FCHSD2: variants seen among roughly 807,000 people sequenced by gnomAD.
The protein encoded by FCHSD2 is F-BAR and double SH3 domains protein 2.
FCHSD2 carries 38 observed loss-of-function variants against 108.1 expected under a neutral mutation model. The ratio of observed to expected loss-of-function variants is 0.35; its 90% CI spans 0.27 to 0.46. The LOEUF is 0.46. Ranked by LOEUF, FCHSD2 falls within the 20% of genes least tolerant of loss-of-function variation. FCHSD2 has a pLI of 1.00. For synonymous variants in FCHSD2, 279 were observed against 314.7 expected (o/e 0.89, Z 1.20); for missense variants, 751 against 897.8 (o/e 0.84, Z 2.09).
chr11:72,913,332 A>T (rs1855802415), intron 9 of FCHSD2, among the ~76,000 whole-genome samples: 1 of 152,150 alleles, frequency 6.6e-6, no homozygotes, highest in South Asian at 2.1e-4. Context: ...GCAGCAGTGC[A>T]ATCCTGACTC....
chr11:73,123,482 C>T (rs963122659), intron 2 of FCHSD2, among the ~76,000 whole-genome samples: 13 of 152,150 alleles, frequency 8.5e-5, no homozygotes, highest in East Asian at 1.9e-4. Context: ...AATCTACCAA[C>T]GCAGAATCTT....
chr11:73,034,343 T>C (rs1279076780), intron 3 of FCHSD2, among the ~76,000 whole-genome samples: 1 of 152,224 alleles, frequency 6.6e-6, no homozygotes, highest in Non-Finnish European at 1.5e-5. Flanking sequence ...AACATGAAGC[T>C]AGAAATTCTC....
At chr11:72,981,825 T>G (rs758685432) in intron 8 of FCHSD2, among the ~76,000 whole-genome samples, 1 of 151,978 alleles carries the variant, frequency 6.6e-6, no homozygotes, top group Non-Finnish European at 1.5e-5. Context: ...AAATAAAAAT[T>G]AAGAAATTAG....
intron 3 of FCHSD2, among the ~76,000 whole-genome samples, chr11:73,019,191 C>A (rs1262284452): frequency 6.6e-6 from 1 of 152,072 alleles, no homozygotes; most frequent in Admixed American, 6.6e-5. Context: ...ATGAGATGAG[C>A]CTCAGTTCAT....
intron 13 of FCHSD2, among the ~76,000 whole-genome samples, chr11:72,863,615 TATTC>T (rs960520928): frequency 6.6e-6 from 1 of 152,196 alleles, no homozygotes; most frequent in Non-Finnish European, 1.5e-5. Flanking sequence ...AAAGGATTTG[TATTC>T]AGAGTATAAA....
intron 2 of FCHSD2, among the ~76,000 whole-genome samples, chr11:73,125,714 A>C (rs1008318342): frequency 3.3e-5 from 5 of 152,296 alleles, no homozygotes; most frequent in South Asian, 4.1e-4. Context: ...ACAAAAAAAA[A>C]CACAATGTCA....
intron 13 of FCHSD2, among the ~76,000 whole-genome samples, chr11:72,857,766 T>C (rs1214074989): frequency 1.3e-5 from 2 of 152,078 alleles, no homozygotes; most frequent in African/African-American, 4.8e-5. Context: ...CTTACTCTTA[T>C]TGCAGAGGCA....
At chr11:72,866,847 T>C (rs1425124148) in intron 13 of FCHSD2, among the ~76,000 whole-genome samples, 3 of 152,208 alleles carry the variant, frequency 2.0e-5, no homozygotes. Flanking sequence ...GCCTGCCTGA[T>C]ATCTGAAGAG....
chr11:73,050,676 G>T (rs1014672240), intron 3 of FCHSD2, among the ~76,000 whole-genome samples: 4 of 152,104 alleles, frequency 2.6e-5, no homozygotes, highest in African/African-American at 9.7e-5. Context: ...GAGATAATGG[G>T]AACATCTGCA....
At chr11:73,086,408 AAAAC>A (rs972823007) in intron 2 of FCHSD2, among the ~76,000 whole-genome samples, 48 of 152,182 alleles carry the variant, frequency 3.2e-4, no homozygotes, top group Non-Finnish European at 8.8e-5. Flanking sequence ...ACTCCATCTC[AAAAC>A]AAACAAACAA....
intron 8 of FCHSD2, among the ~76,000 whole-genome samples, chr11:72,954,738 T>C (rs914789908): frequency 6.6e-5 from 10 of 151,938 alleles, no homozygotes; most frequent in African/African-American, 2.2e-4. Context: ...AGAAAATATA[T>C]TGAGTATGAT....
chr11:72,933,466 G>C (rs1856235447), intron 8 of FCHSD2, among the ~76,000 whole-genome samples: 1 of 152,200 alleles, frequency 6.6e-6, no homozygotes, highest in African/African-American at 2.4e-5. Context: ...CATCCTTTCT[G>C]TGATTTGGTT....
At chr11:72,875,898 T>C (rs1029875682) in intron 12 of FCHSD2, among the ~76,000 whole-genome samples, 1 of 152,166 alleles carries the variant, frequency 6.6e-6, no homozygotes, top group Non-Finnish European at 1.5e-5. Flanking sequence ...GGAAGTCCAG[T>C]TTAACCTATA....
chr11:73,089,154 T>C (rs1222770701), intron 2 of FCHSD2, among the ~76,000 whole-genome samples: 1 of 152,172 alleles, frequency 6.6e-6, no homozygotes, highest in Non-Finnish European at 1.5e-5. Context: ...CATATATATA[T>C]CAAGAGAGCA....
chr11:72,928,524 T>C (rs535987753), intron 8 of FCHSD2, among the ~76,000 whole-genome samples: 14 of 152,332 alleles, frequency 9.2e-5, no homozygotes, highest in African/African-American at 1.7e-4. Context: ...ATGATAATGA[T>C]GGTTAACACA....
At chr11:72,856,924 TA>T (rs1361257454) in intron 13 of FCHSD2, among the ~76,000 whole-genome samples, 1 of 152,258 alleles carries the variant, frequency 6.6e-6, no homozygotes, top group East Asian at 1.9e-4. Flanking sequence ...TACAGGCATT[TA>T]AAAAAACAGT....
chr11:73,135,254 G>A (rs1861095827), intron 2 of FCHSD2, among the ~76,000 whole-genome samples: 1 of 152,196 alleles, frequency 6.6e-6, no homozygotes, highest in African/African-American at 2.4e-5. Flanking sequence ...AGATACAGGG[G>A]AGAGTACAGT....
At chr11:73,104,778 G>A (rs1860302908) in intron 2 of FCHSD2, among the ~76,000 whole-genome samples, 1 of 152,048 alleles carries the variant, frequency 6.6e-6, no homozygotes. Flanking sequence ...CACCAGGCCA[G>A]GCTGGTCTCA....
At chr11:72,928,364 C>G (rs913168891) in intron 8 of FCHSD2, among the ~76,000 whole-genome samples, 1 of 152,150 alleles carries the variant, frequency 6.6e-6, no homozygotes, top group Admixed American at 6.5e-5. Flanking sequence ...CTCATTAGCA[C>G]CATCTCTCAT....
Sources: gnomAD v4.1 joint callset for allele counts (sites outside exome capture counted in the v4.1 genomes callset) on GRCh38, gnomAD v4.1.1 for gene constraint, MANE v1.5 for transcripts, NCBI Gene and HGNC (gene_info 2026-07-23, HGNC 2026-07-21) for gene names.